The following FMN1 variants were observed in gnomAD, a reference collection of about 807,000 sequenced individuals.
The protein encoded by FMN1 is formin 1.
In FMN1, 110 loss-of-function variants were observed where a neutral mutation model predicts 132.4. The ratio of observed to expected loss-of-function variants is 0.83; its 90% confidence interval spans 0.71 to 0.97. The LOEUF is 0.97. Among genes scored for constraint, FMN1 ranks in the 50% least tolerant of loss-of-function variants. FMN1 has a pLI of 0.00. For missense variants in FMN1, 1,792 were observed against 1,705.3 expected (o/e 1.05, Z -0.90); for synonymous variants, 722 against 651.7 (o/e 1.11, Z -1.64).
At position 32,772,366 on chromosome 15, in the gene FMN1, G is replaced by C. The variant is rs540056559; in HGVS notation, c.*1944C>G. 6.6e-6 allele frequency: 1 copy of C among 152,198 alleles called. No homozygotes were observed. Among genetic ancestry groups the C allele is most frequent in the Non-Finnish European group, 1.5e-5 (1 of 68,062 alleles). The allele number at this position is 152,198 out of a possible 1,614,324, so 9.4% of individuals were successfully genotyped here. Reference sequence around the variant, plus strand: ...TCTGCTGGCCCCACATAACTCAAAAGAGCTGAATTATATGGCATGGGTAAA... The same window carrying C: ...TCTGCTGGCCCCACATAACTCAAAACAGCTGAATTATATGGCATGGGTAAA... On this transcript the variant is annotated 3_prime_UTR_variant, in exon 21 of 21. Transcript: ENST00000616417.
intron 4 of FMN1, among the ~76,000 whole-genome samples, chr15:33,108,271 C>T (rs544121227): frequency 6.6e-6 from 1 of 152,122 alleles, no homozygotes; most frequent in South Asian, 2.1e-4. Flanking sequence ...AATCAGACAA[C>T]TAAACACTGC....
intron 11 of FMN1, 99 bp downstream of exon 11, chr15:32,910,375 C>A: frequency 2.1e-6 from 2 of 970,150 alleles, no homozygotes; most frequent in Non-Finnish European, 3.2e-6. Flanking sequence ...TTCCAGGCCA[C>A]GTCAAAACCC....
At chr15:32,817,829 C>T (rs2058099035) in intron 17 of FMN1, among the ~76,000 whole-genome samples, 1 of 152,172 alleles carries the variant, frequency 6.6e-6, no homozygotes, top group South Asian at 2.1e-4. Context: ...TCATAACTGT[C>T]ATCCTCAGAG....
chr15:32,926,178 T>C lies in FMN1; in HGVS notation c.3222A>G (p.Gln1074=). Residue 1074 remains glutamine, a synonymous_variant, in exon 10 of 21, where the codon CAA becomes CAG. Coordinates refer to ENST00000616417, the MANE Select transcript of FMN1 (RefSeq NM_001277313.2). ...SSLHLEMKDI[Q]QAIFNVDDSV... The stretch of plus-strand genomic sequence containing the variant: ...AAAGTGATAGAAAAGACTTACCCTG[T>C]TGGATATCCTTCATTTCTAAATGTA... 6.7e-7 allele frequency: 1 copy of C among 1,482,482 alleles called. No individual in the cohort carries two copies. The highest frequency in any genetic ancestry group is 1.2e-5 in the South Asian group (1 of 80,808). 91.8% of individuals were successfully genotyped at this position (1,482,482 alleles called of 1,614,324 possible).
chr15:33,120,138 C>T (rs1245252299), intron 4 of FMN1, among the ~76,000 whole-genome samples: 1 of 152,128 alleles, frequency 6.6e-6, no homozygotes, highest in Non-Finnish European at 1.5e-5. Context: ...AAGGACATAC[C>T]CAAGTGACCA....
At chr15:33,010,065 G>A (rs1408090174) in intron 6 of FMN1, among the ~76,000 whole-genome samples, 3 of 152,098 alleles carry the variant, frequency 2.0e-5, no homozygotes, top group Admixed American at 2.0e-4. Flanking sequence ...TGTATTTTTA[G>A]TAGAGACAGG....
intron 6 of FMN1, among the ~76,000 whole-genome samples, chr15:33,043,797 G>T (rs2036552560): frequency 6.6e-6 from 1 of 152,186 alleles, no homozygotes; most frequent in African/African-American, 2.4e-5. Context: ...CTTCTAAGTT[G>T]GCAGGGCACA....
At chr15:32,916,015 C>T (rs1437547780) in intron 10 of FMN1, among the ~76,000 whole-genome samples, 2 of 152,140 alleles carry the variant, frequency 1.3e-5, no homozygotes, top group Non-Finnish European at 1.5e-5. Context: ...TTATGTGGTC[C>T]TCTGGTGCCT....
intron 9 of FMN1, among the ~76,000 whole-genome samples, chr15:32,937,999 T>C (rs2061317812): frequency 6.6e-6 from 1 of 152,138 alleles, no homozygotes; most frequent in African/African-American, 2.4e-5. Context: ...GGTTAGAAAT[T>C]GGGCTAGCAG....
intron 6 of FMN1, among the ~76,000 whole-genome samples, chr15:33,032,255 ATGGTTT>A (rs2035973329): frequency 6.6e-6 from 1 of 152,202 alleles, no homozygotes; most frequent in African/African-American, 2.4e-5. Flanking sequence ...CGAGTACATC[ATGGTTT>A]TAATGACTCA....
At chr15:33,081,485 T>A (rs896830827) in intron 5 of FMN1, among the ~76,000 whole-genome samples, 2 of 152,276 alleles carry the variant, frequency 1.3e-5, no homozygotes, top group Admixed American at 1.3e-4. Flanking sequence ...CCCATATTAG[T>A]AGCTGCAGAA....
At chr15:33,172,095 C>G (rs1362605636) in intron 3 of FMN1, among the ~76,000 whole-genome samples, 1 of 151,964 alleles carries the variant, frequency 6.6e-6, no homozygotes. Flanking sequence ...GTGGTCCCAG[C>G]TACTCCGGAG....
intron 20 of FMN1, among the ~76,000 whole-genome samples, chr15:32,775,901 T>C (rs1274722127): frequency 1.3e-5 from 2 of 152,170 alleles, no homozygotes; most frequent in African/African-American, 2.4e-5. Context: ...GGACAGAGTT[T>C]GAAAAATCCG....
In FMN1 at chr15:32,969,149, T is replaced by C. The variant is rs2031546651; in HGVS notation, c.2552A>G (p.His851Arg). 1 of 1,613,920 alleles carries C rather than the reference T, an allele frequency of 6.2e-7. No homozygotes were observed. The highest frequency in any genetic ancestry group is 8.5e-7 in the Non-Finnish European group (1 of 1,179,874). ...GCCCTCCATTGGCTGGAGTGCTGCA[T>C]GGATGTCTTTGTGGTCATTTGGGGG... The part of the protein sequence containing the change: ...LSPPNDHKDI[H>R]AALQPMEGMA... The change falls in exon 8 of 21, where the codon CAT (histidine) becomes CGT (arginine). Residue 851 changes from histidine (H) to arginine (R), a missense_variant. Coordinates refer to ENST00000616417, the MANE Select transcript of FMN1 (RefSeq NM_001277313.2).
rs188644327 is a variant in FMN1, at chr15:32,829,541, G to A, written c.3929-25209C>T. 5.9e-5 allele frequency among the ~76,000 whole-genome samples: 9 copies of A among 152,316 alleles called. No homozygotes were observed. The East Asian group carries it at 1.5e-3, about 26-fold the overall frequency. ...AGTAGAATGGTGGGAATCTAATCAA[G>A]AGCCCGTGCCTTCCTTTGAGGCCAG... On this transcript the variant is annotated intron_variant, in intron 17 of 20. Transcript: ENST00000616417.
intron 14 of FMN1, among the ~76,000 whole-genome samples, chr15:32,899,638 A>G (rs2141588070): frequency 6.6e-6 from 1 of 152,332 alleles, no homozygotes; most frequent in South Asian, 2.1e-4. Flanking sequence ...AGCCAACACT[A>G]AACTCAAACA....
At chr15:33,090,650 T>C (rs948496121) in intron 4 of FMN1, among the ~76,000 whole-genome samples, 1 of 152,144 alleles carries the variant, frequency 6.6e-6, no homozygotes, top group African/African-American at 2.4e-5. Flanking sequence ...AAAGTGCCTT[T>C]CCACTCAATC....
rs200723918 is a variant in FMN1 at position 32,766,534 on chromosome 15, C to G, written c.*7776G>C. The G allele has an allele frequency of 6.2e-5, 8 of 130,070 alleles. No individual in the cohort carries two copies. Among genetic ancestry groups the G allele is most frequent in the African/African-American group, 8.9e-5 (3 of 33,792 alleles). The allele number at this position is 130,070 out of a possible 1,614,324, so 8.1% of individuals were successfully genotyped here. ...TTGAGAAGGCCTAGAATAAGAACCC[C>G]CCCCCCACCCCGCCCAATCTTCTTA... is the stretch of plus-strand genomic sequence containing the variant. On this transcript the variant is annotated 3_prime_UTR_variant, in exon 21 of 21. Transcript: ENST00000616417.
intron 19 of FMN1, among the ~76,000 whole-genome samples, chr15:32,781,878 T>A (rs2056676841): frequency 6.6e-6 from 1 of 152,334 alleles, no homozygotes; most frequent in South Asian, 2.1e-4. Flanking sequence ...TTCCTTCACC[T>A]CACTCCACGT....
Sources: allele counts gnomAD v4.1 joint callset (sites outside exome capture counted in the v4.1 genomes callset), GRCh38; gene constraint gnomAD v4.1.1; transcripts MANE v1.5; gene names NCBI Gene and HGNC (gene_info 2026-07-23, HGNC 2026-07-21).